The following CCSER2 variants were observed in gnomAD, a reference collection of about 807,000 sequenced individuals.
CCSER2 encodes coiled-coil serine rich protein 2.
Under a neutral mutation model 92.3 loss-of-function variants are expected in CCSER2, and 46 were observed. The observed-to-expected ratio is 0.50, with a 90% CI of 0.39 to 0.64. The LOEUF is 0.64. Ranked by LOEUF, CCSER2 falls within the 30% of genes least tolerant of loss-of-function variation. The pLI is 0.00. For missense variants in CCSER2, 1,244 were observed against 1,238.9 expected (o/e 1.00, Z -0.06); for synonymous variants, 433 against 431.4 (o/e 1.00, Z -0.04).
intron 6 of CCSER2, among the ~76,000 whole-genome samples, chr10:84,441,078 T>G (rs1177643033): frequency 6.6e-6 from 1 of 152,270 alleles, no homozygotes; most frequent in African/African-American, 2.4e-5. Context: ...CTTTGGAGAT[T>G]AATGTAGTGT....
At chr10:84,474,662 CA>C (rs397844899) in intron 8 of CCSER2, among the ~76,000 whole-genome samples, 330 of 65,846 alleles carry the variant, frequency 5.0e-3, no homozygotes, top group East Asian at 0.013. Flanking sequence ...GACTCCATCT[CA>C]AAAAAAAAAA....
intron 3 of CCSER2, among the ~76,000 whole-genome samples, chr10:84,387,534 T>G (rs1263849256): frequency 6.9e-6 from 1 of 144,268 alleles, no homozygotes; most frequent in Non-Finnish European, 1.5e-5. Flanking sequence ...GTAATTTTAA[T>G]TTTTTTTTTT....
rs142950021 is a variant in CCSER2, at chr10:84,470,355, A to G, written c.2149-17A>G. On this transcript the variant is annotated splice_polypyrimidine_tract_variant and intron_variant, in intron 7 of 9. Coordinates refer to ENST00000372088, the MANE Select transcript of CCSER2 (RefSeq NM_001284240.2). ...GGTATTTTAAATACCTCATCTAAAG[A>G]TTTTTTAATATTTCAGAATGAAGAT... 1.9e-4 allele frequency: 241 copies of G among 1,253,564 alleles called. 1 individual carries two copies. In the African/African-American group the frequency reaches 3.2e-3, roughly 17 times the overall value. The allele number at this position is 1,253,564 out of a possible 1,614,324, so 77.7% of individuals were successfully genotyped here.
At chr10:84,422,265 T>G (rs1384711721) in intron 4 of CCSER2, among the ~76,000 whole-genome samples, 1 of 152,202 alleles carries the variant, frequency 6.6e-6, no homozygotes, top group Non-Finnish European at 1.5e-5. Context: ...TGTAGTATCA[T>G]GTTCTGATCC....
At chr10:84,460,187 T>C (rs568207381) in intron 6 of CCSER2, among the ~76,000 whole-genome samples, 1 of 150,046 alleles carries the variant, frequency 6.7e-6, no homozygotes, top group East Asian at 2.0e-4. Flanking sequence ...CCTCCCAGGT[T>C]CAAGCAATTC....
At position 84,359,958 on chromosome 10, in the gene CCSER2, C is replaced by A. The variant is rs578088552; in HGVS notation, c.-39-11056C>A. Among the ~76,000 whole-genome samples the A allele has an allele frequency of 7.1e-4, 108 of 152,116 alleles. 1 individual carries two copies. The highest frequency in any genetic ancestry group is 1.0e-4 in the Non-Finnish European group (7 of 68,004). On this transcript the variant is annotated intron_variant, in intron 1 of 9. Transcript: ENST00000372088. ...CCTCCCAAGTAGCTGGGATTATAGGCACCTGCCACCACACCCAGCTGATTT... is the reference window on the plus strand; with the variant it reads ...CCTCCCAAGTAGCTGGGATTATAGGAACCTGCCACCACACCCAGCTGATTT...
chr10:84,436,120 G>C (rs1298765336), intron 5 of CCSER2, among the ~76,000 whole-genome samples: 2 of 151,674 alleles, frequency 1.3e-5, no homozygotes, highest in African/African-American at 4.8e-5. Flanking sequence ...ACGAGGTCAG[G>C]AGATCGAGAC....
At chr10:84,353,781 T>G (rs1845000490) in intron 1 of CCSER2, among the ~76,000 whole-genome samples, 1 of 152,214 alleles carries the variant, frequency 6.6e-6, no homozygotes, top group Non-Finnish European at 1.5e-5. Flanking sequence ...AAGCCCATGT[T>G]GATCTCATGG....
chr10:84,393,630 T>A (rs1841654970), intron 3 of CCSER2, among the ~76,000 whole-genome samples: 2 of 152,228 alleles, frequency 1.3e-5, no homozygotes. Context: ...TTGGTTTGGA[T>A]CCTCTTCATT....
intron 1 of CCSER2, among the ~76,000 whole-genome samples, chr10:84,353,380 C>T (rs1443269001): frequency 1.3e-5 from 2 of 152,120 alleles, no homozygotes; most frequent in South Asian, 4.1e-4. Flanking sequence ...ATATGCCAGG[C>T]TCTGTGCTAG....
At chr10:84,339,847 T>C (rs1844073844) in intron 1 of CCSER2, among the ~76,000 whole-genome samples, 1 of 151,822 alleles carries the variant, frequency 6.6e-6, no homozygotes, top group South Asian at 2.1e-4. Flanking sequence ...TTTTTTATTT[T>C]TTTATTTTTT....
chr10:84,416,258 GGTCAGGCTGTTTGTCTA>G (rs1431277412), intron 3 of CCSER2, among the ~76,000 whole-genome samples: 4 of 152,058 alleles, frequency 2.6e-5, no homozygotes, highest in African/African-American at 9.7e-5. Flanking sequence ...ATTTTCTGTG[GGTCAGGCTGTTTGTCTA>G]GTCAGTCCCA....
At chr10:84,461,038 T>C (rs994772627) in intron 6 of CCSER2, among the ~76,000 whole-genome samples, 2 of 152,200 alleles carry the variant, frequency 1.3e-5, no homozygotes, top group Admixed American at 1.3e-4. Flanking sequence ...ATTTGACACC[T>C]TTGTTTTAAT....
intron 3 of CCSER2, among the ~76,000 whole-genome samples, chr10:84,386,284 C>T (rs2133235044): frequency 6.6e-6 from 1 of 152,354 alleles, no homozygotes; most frequent in African/African-American, 2.4e-5. Flanking sequence ...ATGATATCTG[C>T]ACTTGTATGT....
intron 7 of CCSER2, among the ~76,000 whole-genome samples, chr10:84,465,275 GTGTGTGTGTGTGTGTGAA>G (rs1265404702): frequency 4.7e-5 from 4 of 84,450 alleles, no homozygotes; most frequent in South Asian, 3.9e-4. Context: ...GTGTGTGTGT[GTGTGTGTGTGTGTGTGAA>G]AAAGTTTTTT....
At chr10:84,434,232 A>AT (rs1157919682) in intron 5 of CCSER2, among the ~76,000 whole-genome samples, 1 of 152,078 alleles carries the variant, frequency 6.6e-6, no homozygotes, top group Non-Finnish European at 1.5e-5. Context: ...TCTGAGATTT[A>AT]TTTTTTAATG....
chr10:84,437,190 G>C (rs1202974804), intron 5 of CCSER2, among the ~76,000 whole-genome samples: 4 of 151,800 alleles, frequency 2.6e-5, no homozygotes, highest in Non-Finnish European at 5.9e-5. Flanking sequence ...GAGACAGAGA[G>C]AGACAGACAG....
rs1849655444 is a variant in CCSER2, at chr10:84,518,076, G to A, written c.*3809G>A. On this transcript the variant is annotated 3_prime_UTR_variant, in exon 10 of 10. Transcript: ENST00000372088. Reference sequence around the variant, plus strand: ...GTACTACCCGATGTTTTTCCTTGGGGATGATGGCCTTGTTCCTTTTTAAAT... The same window carrying A: ...GTACTACCCGATGTTTTTCCTTGGGAATGATGGCCTTGTTCCTTTTTAAAT... The A allele has an allele frequency of 6.6e-6, 1 of 152,174 alleles. No homozygotes were observed. The highest frequency in any genetic ancestry group is 2.1e-4 in the South Asian group (1 of 4,826). The allele number at this position is 152,174 out of a possible 1,614,324, so 9.4% of individuals were successfully genotyped here.
chr10:84,375,350 T>C (rs1381423324), intron 3 of CCSER2, among the ~76,000 whole-genome samples: 1 of 152,136 alleles, frequency 6.6e-6, no homozygotes, highest in South Asian at 2.1e-4. Flanking sequence ...TTTCTGTCTT[T>C]CTCTTCTGAT....
Sources: gnomAD v4.1 joint callset for allele counts (sites outside exome capture counted in the v4.1 genomes callset) on GRCh38, gnomAD v4.1.1 for gene constraint, MANE v1.5 for transcripts, NCBI Gene and HGNC (gene_info 2026-07-23, HGNC 2026-07-21) for gene names.